AGBL1: variants seen among roughly 807,000 people sequenced by gnomAD.
The protein encoded by AGBL1 is AGBL carboxypeptidase 1, also known as cytosolic carboxypeptidase 4.
Under a neutral mutation model 118.9 loss-of-function variants are expected in AGBL1, and 130 were observed. The observed-to-expected ratio is 1.09, with a 90% CI of 0.95 to 1.26. The LOEUF (loss-of-function observed/expected upper bound fraction) is 1.26. Ranked by LOEUF, AGBL1 falls within the 50% of genes most tolerant of loss-of-function variation. AGBL1 has a pLI of 0.00. For synonymous variants in AGBL1, 555 were observed against 478.9 expected (o/e 1.16, Z -2.08); for missense variants, 1,584 against 1,298.1 (o/e 1.22, Z -3.38).
intron 22 of AGBL1, among the ~76,000 whole-genome samples, chr15:86,849,043 G>T (rs1481946612): frequency 1.3e-5 from 2 of 152,148 alleles, no homozygotes; most frequent in East Asian, 3.9e-4. Flanking sequence ...GGATCCTCTG[G>T]ATCCAATGCT....
chr15:86,363,226 T>C (rs774551926), intron 17 of AGBL1, among the ~76,000 whole-genome samples: 2 of 152,114 alleles, frequency 1.3e-5, no homozygotes, highest in African/African-American at 2.4e-5. Context: ...GGGGAATGAT[T>C]GCCAGATCAA....
At chr15:86,748,263 A>G (rs1004269246) in intron 22 of AGBL1, among the ~76,000 whole-genome samples, 9 of 151,506 alleles carry the variant, frequency 5.9e-5, no homozygotes, top group Admixed American at 1.3e-4. Context: ...GTCTGTTGGC[A>G]GCATAAATGT....
At chr15:87,000,856 A>G (rs1283834278) in intron 24 of AGBL1, among the ~76,000 whole-genome samples, 9 of 148,106 alleles carry the variant, frequency 6.1e-5, no homozygotes, top group African/African-American at 2.0e-4. Flanking sequence ...CTTCCTACCC[A>G]TGAGCATGGC....
At chr15:86,702,710 C>A (rs972232490) in intron 22 of AGBL1, among the ~76,000 whole-genome samples, 3 of 152,116 alleles carry the variant, frequency 2.0e-5, no homozygotes, top group African/African-American at 7.2e-5. Flanking sequence ...TTCCTTCACA[C>A]TTTTCTTGCA....
At chr15:86,352,481 C>CTT (rs543883282) in intron 17 of AGBL1, among the ~76,000 whole-genome samples, 1 of 143,356 alleles carries the variant, frequency 7.0e-6, no homozygotes, top group Admixed American at 7.0e-5. Flanking sequence ...TTTTCCTTTA[C>CTT]TTTTTTTTTT....
intron 17 of AGBL1, among the ~76,000 whole-genome samples, chr15:86,390,856 G>C (rs948442918): frequency 6.6e-6 from 1 of 151,650 alleles, no homozygotes; most frequent in Non-Finnish European, 1.5e-5. Flanking sequence ...TTTTAGTAGG[G>C]ATGGGGTTTT....
chr15:86,674,444 G>C lies in AGBL1; in HGVS notation c.3158+8G>C, dbSNP rs759540419. ...GGACCAGCACCTCCAACGGTAAGAT[G>C]CTCCCAAGGGCTCAGAGAAATTTGG... On this transcript the variant is annotated splice_region_variant and intron_variant, in intron 22 of 22. Transcript: ENST00000614907. The C allele has an allele frequency of 6.3e-7, 1 of 1,594,680 alleles. No individual in the cohort carries two copies. The highest frequency in any genetic ancestry group is 8.6e-7 in the Non-Finnish European group (1 of 1,166,216).
intron 22 of AGBL1, among the ~76,000 whole-genome samples, chr15:86,783,271 A>G (rs1444026508): frequency 6.6e-6 from 1 of 152,094 alleles, no homozygotes; most frequent in Non-Finnish European, 1.5e-5. Flanking sequence ...CTGGTCCTCT[A>G]TTCTGTTTTC....
chr15:86,828,247 G>T (rs951119487), intron 22 of AGBL1, among the ~76,000 whole-genome samples: 25 of 151,766 alleles, frequency 1.6e-4, no homozygotes, highest in African/African-American at 5.1e-4. Context: ...TCAGCCTGTC[G>T]TACGACTTTT....
intron 21 of AGBL1, among the ~76,000 whole-genome samples, chr15:86,666,312 T>C (rs1279132866): frequency 6.6e-6 from 1 of 152,174 alleles, no homozygotes; most frequent in Non-Finnish European, 1.5e-5. Context: ...GGAATTTTTA[T>C]TATATTTAAT....
intron 1 of AGBL1, among the ~76,000 whole-genome samples, chr15:86,124,392 A>G (rs984070643): frequency 2.0e-5 from 3 of 152,018 alleles, no homozygotes; most frequent in South Asian, 2.1e-4. Flanking sequence ...TACCAAAAAA[A>G]TCAATAATGT....
At chr15:86,681,393 A>G (rs1008658392) in intron 22 of AGBL1, among the ~76,000 whole-genome samples, 2 of 151,896 alleles carry the variant, frequency 1.3e-5, no homozygotes, top group African/African-American at 4.8e-5. Context: ...TTATCTTTTC[A>G]TTTATCGTCC....
chr15:86,093,207 G>C (rs1896146839), intron 1 of AGBL1, among the ~76,000 whole-genome samples: 1 of 152,118 alleles, frequency 6.6e-6, no homozygotes, highest in Non-Finnish European at 1.5e-5. Flanking sequence ...TTCACATAGA[G>C]CCATTCTTCA....
intron 18 of AGBL1, among the ~76,000 whole-genome samples, chr15:86,516,571 G>T (rs2083123645): frequency 6.6e-6 from 1 of 152,156 alleles, no homozygotes; most frequent in Non-Finnish European, 1.5e-5. Flanking sequence ...AGGCCAAGGT[G>T]GGCAGATCAC....
chr15:86,266,938 T>G lies in AGBL1; in HGVS notation c.1752-52T>G, dbSNP rs2079083547. ...TGAAAAAAAGAATCATCACACTGTT[T>G]TCAAAGAGTAGTGATAACACATATG... On this transcript the variant is annotated intron_variant, in intron 12 of 22. Coordinates refer to ENST00000614907, the MANE Select transcript of AGBL1 (RefSeq NM_001386094.1). 3 of 1,329,964 alleles carry G rather than the reference T, an allele frequency of 2.3e-6. No individual in the cohort carries two copies. In the African/African-American group the frequency reaches 4.4e-5, roughly 19 times the overall value. The allele number at this position is 1,329,964 out of a possible 1,614,324, so 82.4% of individuals were successfully genotyped here.
chr15:86,136,372 C>T (rs547403405), intron 1 of AGBL1, among the ~76,000 whole-genome samples: 76 of 152,272 alleles, frequency 5.0e-4, no homozygotes, highest in African/African-American at 1.8e-3. Flanking sequence ...TAATTCTGTT[C>T]TTGGAGAGGC....
chr15:86,208,816 T>G (rs938990993), intron 5 of AGBL1, among the ~76,000 whole-genome samples: 9 of 152,210 alleles, frequency 5.9e-5, no homozygotes, highest in African/African-American at 1.9e-4. Context: ...TGTCTCTATC[T>G]CCTTCGGTTC....
At chr15:86,293,494 G>A (rs573929225) in intron 16 of AGBL1, among the ~76,000 whole-genome samples, 67 of 152,220 alleles carry the variant, frequency 4.4e-4, no homozygotes, top group African/African-American at 1.5e-3. Context: ...GCCAGGAAAG[G>A]GCCTCTGCTT....
At chr15:86,820,086 C>A (rs928004515) in intron 22 of AGBL1, among the ~76,000 whole-genome samples, 2 of 152,102 alleles carry the variant, frequency 1.3e-5, no homozygotes, top group African/African-American at 2.4e-5. Flanking sequence ...ACTGGCTAGC[C>A]ATATGCAGAA....
Sources: allele counts gnomAD v4.1 joint callset (sites outside exome capture counted in the v4.1 genomes callset), GRCh38; gene constraint gnomAD v4.1.1; transcripts MANE v1.5; gene names NCBI Gene and HGNC (gene_info 2026-07-23, HGNC 2026-07-21).